The following HUS1 variants were observed in gnomAD, a reference collection of about 807,000 sequenced individuals.
HUS1 encodes the protein HUS1 checkpoint clamp component, also known as checkpoint protein HUS1.
HUS1 carries 31 observed loss-of-function variants against 32.6 expected under a neutral mutation model. The observed-to-expected ratio is 0.95, with a 90% CI of 0.72 to 1.28. The LOEUF is 1.28. HUS1 is among the 50% of genes most tolerant of loss of function. HUS1 has a pLI of 0.00. For synonymous variants in HUS1, 123 were observed against 116.6 expected (o/e 1.06, Z -0.36); for missense variants, 340 against 337.7 (o/e 1.01, Z -0.05).
At position 47,979,154 on chromosome 7, in the gene HUS1, T is replaced by C. The variant is rs1280711467; in HGVS notation, c.52+314A>G. Among the ~76,000 whole-genome samples the C allele has an allele frequency of 2.6e-5, 4 of 152,158 alleles. 1 individual carries two copies. The highest frequency in any genetic ancestry group is 2.6e-4 in the Admixed American group (4 of 15,278). On this transcript the variant is annotated intron_variant, in intron 1 of 7. Coordinates refer to ENST00000258774, the MANE Select transcript of HUS1 (RefSeq NM_004507.4). ...TCAGGGTGGAGGGACGAATGGGGCCTTGAAGGTATGTCAATGCCTGATAAA... is the reference window on the plus strand; with the variant it reads ...TCAGGGTGGAGGGACGAATGGGGCCCTGAAGGTATGTCAATGCCTGATAAA...
At chr7:47,977,004 A>G (rs1408826977) in intron 3 of HUS1, among the ~76,000 whole-genome samples, 167 bp from the exon 4 acceptor site, 1 of 152,072 alleles carries the variant, frequency 6.6e-6, no homozygotes, top group Non-Finnish European at 1.5e-5. Context: ...GCCAATATTT[A>G]TGGAACAGAC....
chr7:47,969,156 C>A lies in HUS1; in HGVS notation c.640+63G>T, dbSNP rs1583715709. ...ACCTTTTTACATGAAGAGACCTCAA[C>A]AGGTAGGTTATCTGAAACAATTAAC... On this transcript the variant is annotated intron_variant, in intron 6 of 7. Coordinates refer to ENST00000258774, the MANE Select transcript of HUS1 (RefSeq NM_004507.4). 1.0e-5 allele frequency: 8 copies of A among 774,210 alleles called. No individual in the cohort carries two copies. The East Asian group carries it at 2.0e-4, about 19-fold the overall frequency. The allele number at this position is 774,210 out of a possible 1,614,324, so 48.0% of individuals were successfully genotyped here.
intron 3 of HUS1, among the ~76,000 whole-genome samples, chr7:47,977,178 G>A (rs1788722974): frequency 6.6e-6 from 1 of 152,124 alleles, no homozygotes; most frequent in African/African-American, 2.4e-5. Flanking sequence ...GAGTGTGGGG[G>A]AGTTTCCTTA....
At chr7:47,976,333 T>C (rs1284605118) in intron 4 of HUS1, 6 of 458,426 alleles carry the variant, frequency 1.3e-5, no homozygotes, top group Admixed American at 1.2e-4. Context: ...CGTTACCCCA[T>C]GTTAGCCCTA....
chr7:47,975,295 G>A (rs1322067828), intron 5 of HUS1, among the ~76,000 whole-genome samples: 6 of 148,668 alleles, frequency 4.0e-5, no homozygotes, highest in Non-Finnish European at 7.4e-5. Context: ...TCCAGCCTGG[G>A]CGACAGAGTG....
chr7:47,978,543 A>T lies in HUS1; in HGVS notation c.231T>A (p.Asn77Lys), dbSNP rs570029976. 12 of 1,614,198 alleles carry T rather than the reference A, an allele frequency of 7.4e-6. No individual in the cohort carries two copies. The East Asian group carries it at 1.3e-4, about 18-fold the overall frequency. ...FQMEGVSAEN[N>K]EIYLELTSEN... ...CCGATGTTAGCTCTAAATAAATCTC[A>T]TTGTTTTCTGCAGAGACACCCTCCA... Residue 77 changes from asparagine to lysine, a missense_variant, in exon 3 of 8, where the codon AAT (asparagine) becomes AAA (lysine). Coordinates refer to ENST00000258774, the MANE Select transcript of HUS1 (RefSeq NM_004507.4).
intron 3 of HUS1, among the ~76,000 whole-genome samples, chr7:47,977,955 C>T (rs2708858): frequency 0.46 from 69,538 of 151,576 alleles, 16,631 homozygotes; most frequent in East Asian, 0.53. Context: ...TGTATGTATG[C>T]GCATGAGTTT....
At chr7:47,971,599 C>T in intron 5 of HUS1, 1 of 455,678 alleles carries the variant, frequency 2.2e-6, no homozygotes, top group South Asian at 1.6e-5. Flanking sequence ...AATGAAATTT[C>T]CTCCTAAAAG....
chr7:47,972,206 A>C (rs982949243), intron 5 of HUS1, among the ~76,000 whole-genome samples: 1 of 152,240 alleles, frequency 6.6e-6, no homozygotes, highest in Non-Finnish European at 1.5e-5. Context: ...TGTTCCAAAC[A>C]ACCACACACC....
intron 3 of HUS1, among the ~76,000 whole-genome samples, 197 bp from the exon 4 acceptor site, chr7:47,977,034 TG>T (rs1583724559): frequency 8.1e-6 from 1 of 123,072 alleles, no homozygotes; most frequent in Admixed American, 8.6e-5. Context: ...TTCCAGGAAC[TG>T]GGAAGTGTGG....
chr7:47,979,495 C>G lies in HUS1; in HGVS notation c.25G>C (p.Asp9His). 1 of 1,613,188 alleles carries G rather than the reference C, an allele frequency of 6.2e-7. No individual in the cohort carries two copies. The highest frequency in any genetic ancestry group is 8.5e-7 in the Non-Finnish European group (1 of 1,179,942). Residue 9 changes from aspartate (D) to histidine (H), a missense_variant, in exon 1 of 8, where the codon GAC becomes CAC. Asp to His is a moderately conservative substitution (Grantham distance 81). Coordinates refer to ENST00000258774, the MANE Select transcript of HUS1 (RefSeq NM_004507.4). ...GTGAAGTGGTTCAGACAGGCCCCGT[C>G]CACGATCTTGGCCCGAAACTTCATG... is the stretch of plus-strand genomic sequence containing the variant. The part of the protein sequence containing the change: MKFRAKIV[D>H]GACLNHFTRI...
At chr7:47,976,957 T>TG (rs1583724469) in intron 3 of HUS1, 120 bp from the exon 4 acceptor site, 1 of 640,648 alleles carries the variant, frequency 1.6e-6, no homozygotes, top group East Asian at 2.8e-5. Context: ...TGCTGTCAGT[T>TG]TATTCACTCA....
In HUS1 at chr7:47,977,842, C is replaced by T. The variant is rs3176512; in HGVS notation, c.357+575G>A. Among the ~76,000 whole-genome samples the T allele has an allele frequency of 4.8e-3, 724 of 152,104 alleles. 6 individuals carry two copies. The highest frequency in any genetic ancestry group is 0.017 in the African/African-American group (687 of 41,510). On this transcript the variant is annotated intron_variant, in intron 3 of 7. Coordinates refer to ENST00000258774, the MANE Select transcript of HUS1 (RefSeq NM_004507.4). ...CCGGGAGATGGAGGTTGCAGTGAGCCGAGATCGCGCCACTGCACTCCAGCC... is the reference window on the plus strand; with the variant it reads ...CCGGGAGATGGAGGTTGCAGTGAGCTGAGATCGCGCCACTGCACTCCAGCC...
Position 47,963,813 on chromosome 7 carries a change from G to C in HUS1, c.*1543C>G, listed in dbSNP as rs985910756. On this transcript the variant is annotated 3_prime_UTR_variant, in exon 8 of 8. Coordinates refer to ENST00000258774, the MANE Select transcript of HUS1 (RefSeq NM_004507.4). The stretch of plus-strand genomic sequence containing the variant: ...CCCAGCTACTCGGGAGGCTGAGGCA[G>C]GAGAATCGCTTGAACTTGGGAAGTG... 6.6e-6 allele frequency: 1 copy of C among 152,148 alleles called. No individual in the cohort carries two copies. The highest frequency in any genetic ancestry group is 6.5e-5 in the Admixed American group (1 of 15,278). 9.4% of individuals were successfully genotyped at this position (152,148 alleles called of 1,614,324 possible).
chr7:47,967,940 A>T lies in HUS1; in HGVS notation c.641-15T>A. On this transcript the variant is annotated splice_polypyrimidine_tract_variant and intron_variant, in intron 6 of 7. Transcript: ENST00000258774. ...GCTTTCAGAGGCTAAAATGATAGGA[A>T]TGCATTTAAATACAACATCTTCCCA... is the stretch of plus-strand genomic sequence containing the variant. 6.2e-7 allele frequency: 1 copy of T among 1,605,054 alleles called. No individual in the cohort carries two copies. The highest frequency in any genetic ancestry group is 1.1e-5 in the South Asian group (1 of 88,998).
chr7:47,971,979 C>T (rs755624425), intron 5 of HUS1, among the ~76,000 whole-genome samples: 35 of 152,152 alleles, frequency 2.3e-4, no homozygotes, highest in Admixed American at 9.2e-4. Flanking sequence ...AAAAATAGTG[C>T]CCCAAACTTA....
intron 7 of HUS1, among the ~76,000 whole-genome samples, chr7:47,967,252 G>A (rs1051856874): frequency 6.6e-5 from 10 of 152,232 alleles, no homozygotes; most frequent in African/African-American, 2.4e-4. Flanking sequence ...TGTGTGGTCA[G>A]TAGATGAAGA....
intron 7 of HUS1, among the ~76,000 whole-genome samples, chr7:47,965,867 G>A (rs1164759432): frequency 1.3e-5 from 2 of 152,090 alleles, no homozygotes; most frequent in African/African-American, 2.4e-5. Context: ...GCATCTCAAC[G>A]GTCCTGCCAA....
chr7:47,976,374 G>A (rs990103589), intron 4 of HUS1: 4 of 461,436 alleles, frequency 8.7e-6, no homozygotes, highest in Admixed American at 2.3e-5. Flanking sequence ...CTTGGCTTTC[G>A]TGCACATCCA....
Sources: gnomAD v4.1 joint callset for allele counts (sites outside exome capture counted in the v4.1 genomes callset) on GRCh38, gnomAD v4.1.1 for gene constraint, MANE v1.5 for transcripts, NCBI Gene and HGNC (gene_info 2026-07-23, HGNC 2026-07-21) for gene names.